FOXN3: variants seen among roughly 807,000 people sequenced by gnomAD.
FOXN3 encodes forkhead box N3.
FOXN3 carries 7 observed loss-of-function variants against 38.4 expected under a neutral mutation model. The observed-to-expected ratio is 0.18, with a 90% confidence interval of 0.10 to 0.34. The LOEUF is 0.34. FOXN3 is among the 10% of genes least tolerant of loss of function. FOXN3 has a pLI of 1.00. For missense variants in FOXN3, 456 were observed against 613.4 expected, an observed-to-expected ratio of 0.74 and a Z score of 2.71; for synonymous variants, 230 against 242.2, an observed-to-expected ratio of 0.95 and a Z score of 0.47.
intron 1 of FOXN3, among the ~76,000 whole-genome samples, chr14:89,545,378 C>T (rs1371777593): frequency 6.6e-6 from 1 of 152,208 alleles, no homozygotes; most frequent in Non-Finnish European, 1.5e-5. Context: ...GACGAGCAAT[C>T]GTGCCCACAT....
At chr14:89,204,598 A>G (rs1340845428) in intron 4 of FOXN3, among the ~76,000 whole-genome samples, 1 of 152,238 alleles carries the variant, frequency 6.6e-6, no homozygotes, top group African/African-American at 2.4e-5. Flanking sequence ...AATAAAACAA[A>G]GCGCCAAAAA....
At chr14:89,230,602 C>T (rs2139853405) in intron 4 of FOXN3, 1 of 225,520 alleles carries the variant, frequency 4.4e-6, no homozygotes, top group Admixed American at 4.8e-5. Context: ...ATTTTGACAA[C>T]TTGCTTTTTA....
chr14:89,568,281 C>T (rs1291929363), intron 1 of FOXN3, among the ~76,000 whole-genome samples: 1 of 152,202 alleles, frequency 6.6e-6, no homozygotes, highest in Non-Finnish European at 1.5e-5. Context: ...CTGCTGCCCA[C>T]CTATGAACCA....
At chr14:89,197,178 A>G (rs1888118727) in intron 4 of FOXN3, among the ~76,000 whole-genome samples, 1 of 152,188 alleles carries the variant, frequency 6.6e-6, no homozygotes, top group African/African-American at 2.4e-5. Context: ...ACCAAATAAT[A>G]GATGACACAC....
chr14:89,219,081 C>T (rs1884373525), intron 4 of FOXN3, among the ~76,000 whole-genome samples: 2 of 152,232 alleles, frequency 1.3e-5, no homozygotes, highest in African/African-American at 4.8e-5. Flanking sequence ...TAATACTTGA[C>T]AGGCACTGAT....
At chr14:89,203,501 G>A (rs981263348) in intron 4 of FOXN3, among the ~76,000 whole-genome samples, 1 of 152,230 alleles carries the variant, frequency 6.6e-6, no homozygotes, top group Non-Finnish European at 1.5e-5. Context: ...GCCAGGCTAG[G>A]TGTGCCTGGA....
chr14:89,463,367 A>G (rs1892895673), intron 1 of FOXN3, among the ~76,000 whole-genome samples: 1 of 152,098 alleles, frequency 6.6e-6, no homozygotes, highest in Admixed American at 6.5e-5. Flanking sequence ...ATCAGCTCTT[A>G]AAGGACCCAG....
intron 1 of FOXN3, among the ~76,000 whole-genome samples, chr14:89,424,358 TGA>T (rs1891978491): frequency 6.6e-6 from 1 of 152,224 alleles, no homozygotes; most frequent in Non-Finnish European, 1.5e-5. Flanking sequence ...AAGCATTCTG[TGA>T]TCTTTTCAAT....
intron 4 of FOXN3, among the ~76,000 whole-genome samples, chr14:89,245,476 G>GA (rs11302539): frequency 1.1e-4 from 17 of 148,630 alleles, no homozygotes; most frequent in Middle Eastern, 3.5e-3. Flanking sequence ...AGGCATTGGA[G>GA]AAAAAAAAAA....
At chr14:89,188,487 CA>C (rs1887865311) in intron 4 of FOXN3, among the ~76,000 whole-genome samples, 1 of 152,176 alleles carries the variant, frequency 6.6e-6, no homozygotes, top group Admixed American at 6.5e-5. Flanking sequence ...GACTCTTCTC[CA>C]AAATGGCAGC....
At chr14:89,287,255 G>A (rs549669053) in intron 3 of FOXN3, among the ~76,000 whole-genome samples, 2 of 152,268 alleles carry the variant, frequency 1.3e-5, no homozygotes, top group South Asian at 4.1e-4. Flanking sequence ...CCGGGTTCAA[G>A]CAATTCTCCT....
rs142776000 is a variant in FOXN3, at chr14:89,219,787, T to G, written c.746-38981A>C. ...ATTGTCAATGAATGTTAGCTACTAT[T>G]ACAGTTGTCATTAAAGCTGTGTTGG... is the stretch of plus-strand genomic sequence containing the variant. On this transcript the variant is annotated intron_variant, in intron 4 of 5. Coordinates refer to ENST00000557258, the MANE Select transcript of FOXN3 (RefSeq NM_005197.4). 1.9e-3 allele frequency among the ~76,000 whole-genome samples: 289 copies of G among 152,372 alleles called. 1 individual carries two copies. Among genetic ancestry groups the G allele is most frequent in the African/African-American group, 6.2e-3 (258 of 41,588 alleles).
chr14:89,204,642 C>G (rs189812867), intron 4 of FOXN3, among the ~76,000 whole-genome samples: 1 of 152,318 alleles, frequency 6.6e-6, no homozygotes, highest in East Asian at 1.9e-4. Context: ...TACACGGGCC[C>G]TTCACCTACT....
chr14:89,472,269 A>AG (rs1158982597), intron 1 of FOXN3, among the ~76,000 whole-genome samples: 5 of 151,212 alleles, frequency 3.3e-5, no homozygotes, highest in African/African-American at 1.2e-4. Context: ...AAAAAAAAAA[A>AG]GAAAGGAAAC....
At chr14:89,375,257 A>G (rs1890443864) in intron 2 of FOXN3, among the ~76,000 whole-genome samples, 1 of 152,244 alleles carries the variant, frequency 6.6e-6, no homozygotes, top group African/African-American at 2.4e-5. Flanking sequence ...CCCTCTGTTC[A>G]TCGTCAAGTA....
chr14:89,229,409 T>A (rs1330409105), intron 4 of FOXN3, among the ~76,000 whole-genome samples: 2 of 151,928 alleles, frequency 1.3e-5, no homozygotes. Flanking sequence ...TTAAAGTAGC[T>A]CAGCAGCGAG....
At chr14:89,608,033 C>CAGACTGG (rs1896308819) in intron 1 of FOXN3, among the ~76,000 whole-genome samples, 1 of 150,806 alleles carries the variant, frequency 6.6e-6, no homozygotes, top group African/African-American at 2.4e-5. Flanking sequence ...GACTGGAGTG[C>CAGACTGG]AGTGGCGCGA....
intron 4 of FOXN3, among the ~76,000 whole-genome samples, chr14:89,222,539 CTT>C (rs1342681304): frequency 6.6e-6 from 1 of 152,212 alleles, no homozygotes; most frequent in African/African-American, 2.4e-5. Context: ...AAATCTGCCT[CTT>C]TATTTTGTGG....
At chr14:89,416,399 G>C (rs1478719295) in intron 1 of FOXN3, among the ~76,000 whole-genome samples, 1 of 152,164 alleles carries the variant, frequency 6.6e-6, no homozygotes, top group African/African-American at 2.4e-5. Flanking sequence ...ACTTATCCAG[G>C]GCCCAAGGAG....
Sources: gnomAD v4.1 joint callset for allele counts (sites outside exome capture counted in the v4.1 genomes callset) on GRCh38, gnomAD v4.1.1 for gene constraint, MANE v1.5 for transcripts, NCBI Gene and HGNC (gene_info 2026-07-23, HGNC 2026-07-21) for gene names.